Variants in NETO1 observed in about 807,000 individuals in gnomAD.
NETO1 encodes neuropilin and tolloid like 1, also known as neuropilin and tolloid-like protein 1.
Under a neutral mutation model 61.3 loss-of-function variants are expected in NETO1, and 26 were observed. The observed-to-expected ratio is 0.42, with a 90% confidence interval of 0.31 to 0.59. The LOEUF is 0.59. NETO1 is among the 20% of genes least tolerant of loss of function. The pLI is 0.12. For missense variants in NETO1, 531 were observed against 662.8 expected (o/e 0.80, Z 2.18); for synonymous variants, 225 against 225.8 (o/e 1.00, Z 0.03).
At chr18:72,806,612 C>T (rs1420498414) in intron 4 of NETO1, among the ~76,000 whole-genome samples, 1 of 152,136 alleles carries the variant, frequency 6.6e-6, no homozygotes, top group Non-Finnish European at 1.5e-5. Flanking sequence ...TTTTAAACTA[C>T]CTTCTATTAT....
intron 6 of NETO1, among the ~76,000 whole-genome samples, chr18:72,791,710 T>C (rs2072124983): frequency 1.3e-5 from 2 of 152,226 alleles, no homozygotes; most frequent in South Asian, 4.1e-4. Flanking sequence ...AAAGTACTGG[T>C]TATGACAGTA....
chr18:72,813,579 G>A, intron 4 of NETO1, among the ~76,000 whole-genome samples: 1 of 152,068 alleles, frequency 6.6e-6, no homozygotes, highest in East Asian at 1.9e-4. Flanking sequence ...TATCTGCAGG[G>A]AATAGGAAAC....
At chr18:72,818,374 T>C (rs530198169) in intron 4 of NETO1, among the ~76,000 whole-genome samples, 2 of 152,310 alleles carry the variant, frequency 1.3e-5, no homozygotes, top group East Asian at 3.9e-4. Context: ...ATTCTGCCTA[T>C]GGCAACAGGC....
chr18:72,837,623 T>C (rs1236125813), intron 4 of NETO1, among the ~76,000 whole-genome samples: 2 of 152,202 alleles, frequency 1.3e-5, no homozygotes, highest in Admixed American at 6.5e-5. Context: ...AATTATAATA[T>C]AGGAATATAG....
chr18:72,751,111 C>G (rs758598627), intron 8 of NETO1, among the ~76,000 whole-genome samples: 3 of 147,036 alleles, frequency 2.0e-5, no homozygotes, highest in African/African-American at 7.6e-5. Flanking sequence ...TATTCTGATA[C>G]CAAAGGATAA....
intron 3 of NETO1, among the ~76,000 whole-genome samples, chr18:72,862,612 C>CTTTTTTTTCTTTTTTTT (rs1568275640): frequency 2.2e-4 from 23 of 106,890 alleles, no homozygotes; most frequent in African/African-American, 5.7e-4. Context: ...ACTCATGATC[C>CTTTTTTTTCTTTTTTTT]TTTTTTTTTC....
At position 72,867,509 on chromosome 18, in the gene NETO1, T is replaced by A. The variant is rs1478003476; in HGVS notation, c.-218A>T. 5.1e-6 allele frequency: 2 copies of A among 390,602 alleles called. No homozygotes were observed. The highest frequency in any genetic ancestry group is 9.0e-6 in the Non-Finnish European group (2 of 221,054). The allele number at this position is 390,602 out of a possible 1,614,324, so 24.2% of individuals were successfully genotyped here. On this transcript the variant is annotated 5_prime_UTR_variant, in exon 1 of 11. Transcript: ENST00000327305. ...TCCGTCCTCCGCCCCGGGCGGGCTC[T>A]CGCTCTCGCTGGCCCTCAGCGCCGC...
rs375966541 is a variant in NETO1 at position 72,783,841 on chromosome 18, A to T, written c.705T>A (p.Ala235=). ...CCACGGAACTGCTTCCATCATACAC[A>T]GCCACAAAATTCCTCTTGCACTCAT... ...NSNECKRNFV[A]VYDGSSSVED... The change falls in exon 7 of 11, where the codon GCT becomes GCA. Residue 235 remains alanine (A), a synonymous_variant. Coordinates refer to ENST00000327305, the MANE Select transcript of NETO1 (RefSeq NM_138966.5). 14 of 1,614,092 alleles carry T rather than the reference A, an allele frequency of 8.7e-6. No individual in the cohort carries two copies. Among genetic ancestry groups the T allele is most frequent in the Non-Finnish European group, 1.1e-5 (13 of 1,180,046 alleles).
At chr18:72,774,743 A>G (rs2145193623) in intron 7 of NETO1, among the ~76,000 whole-genome samples, 1 of 152,364 alleles carries the variant, frequency 6.6e-6, no homozygotes, top group South Asian at 2.1e-4. Flanking sequence ...ATGTTAAACA[A>G]ATACTCTTTC....
chr18:72,863,241 G>A (rs762860098), intron 3 of NETO1, among the ~76,000 whole-genome samples: 3 of 152,130 alleles, frequency 2.0e-5, no homozygotes, highest in East Asian at 3.9e-4. Context: ...CCTAGGATGC[G>A]CCACGAAGGT....
At chr18:72,849,965 G>C (rs747386863) in intron 4 of NETO1, among the ~76,000 whole-genome samples, 1 of 152,170 alleles carries the variant, frequency 6.6e-6, no homozygotes, top group Non-Finnish European at 1.5e-5. Flanking sequence ...TGCCTCCTTC[G>C]TTACATACTG....
intron 4 of NETO1, among the ~76,000 whole-genome samples, chr18:72,805,391 G>T (rs2072642406): frequency 6.6e-6 from 1 of 152,102 alleles, no homozygotes; most frequent in African/African-American, 2.4e-5. Context: ...GTGACTAAAA[G>T]GGTTTTTTCT....
intron 7 of NETO1, among the ~76,000 whole-genome samples, chr18:72,783,077 A>G (rs943378674): frequency 2.0e-5 from 3 of 152,212 alleles, no homozygotes; most frequent in Non-Finnish European, 4.4e-5. Flanking sequence ...TATTCAGAAT[A>G]TATCTATTGG....
intron 10 of NETO1, among the ~76,000 whole-genome samples, chr18:72,748,528 AAG>A (rs1052823315): frequency 2.6e-5 from 4 of 152,124 alleles, no homozygotes; most frequent in African/African-American, 7.2e-5. Context: ...ATGCAAAAAT[AAG>A]AGTCTATAAA....
chr18:72,765,057 T>G (rs2071108308), intron 7 of NETO1, among the ~76,000 whole-genome samples: 1 of 152,202 alleles, frequency 6.6e-6, no homozygotes, highest in Admixed American at 6.5e-5. Context: ...CACATTTCAC[T>G]TTGTTGAAGA....
chr18:72,846,774 C>G (rs1262328775), intron 4 of NETO1, among the ~76,000 whole-genome samples: 3 of 152,104 alleles, frequency 2.0e-5, no homozygotes, highest in Non-Finnish European at 2.9e-5. Context: ...TTATTTACAA[C>G]AGCAGATCTC....
At chr18:72,835,748 C>A (rs2073724227) in intron 4 of NETO1, among the ~76,000 whole-genome samples, 1 of 152,130 alleles carries the variant, frequency 6.6e-6, no homozygotes, top group African/African-American at 2.4e-5. Context: ...GTAAAAACTG[C>A]AGTAACTGTA....
intron 4 of NETO1, among the ~76,000 whole-genome samples, chr18:72,806,953 T>C (rs940414230): frequency 1.3e-5 from 2 of 152,226 alleles, no homozygotes; most frequent in Admixed American, 1.3e-4. Flanking sequence ...CCTTGTTTTT[T>C]ACTCAAGGTT....
rs35252443 is a variant in NETO1 at position 72,846,504 on chromosome 18, C to CAAAAAAAAAAAAA, written c.469+12309_469+12321dup. Among the ~76,000 whole-genome samples, 58 of 13,008 alleles carry CAAAAAAAAAAAAA rather than the reference C, an allele frequency of 4.5e-3. 9 individuals carry two copies. Among genetic ancestry groups the CAAAAAAAAAAAAA allele is most frequent in the Middle Eastern group, 0.25 (1 of 4 alleles). The allele number at this position is 13,008 out of a possible 152,430, so 8.5% of individuals were successfully genotyped here. On this transcript the variant is annotated intron_variant, in intron 4 of 10. Coordinates refer to ENST00000327305, the MANE Select transcript of NETO1 (RefSeq NM_138966.5). ...TGGGCAATGGAGTGAGACTTCATCT[C>CAAAAAAAAAAAAA]AAAAAAAAAAAAAAAAAAAAAAAAA...
Sources: allele counts gnomAD v4.1 joint callset (sites outside exome capture counted in the v4.1 genomes callset), GRCh38; gene constraint gnomAD v4.1.1; transcripts MANE v1.5; gene names NCBI Gene and HGNC (gene_info 2026-07-23, HGNC 2026-07-21).